The following NOS1AP variants were observed in gnomAD, a reference collection of about 807,000 sequenced individuals.
NOS1AP encodes nitric oxide synthase 1 adaptor protein, also known as carboxyl-terminal PDZ ligand of neuronal nitric oxide synthase protein.
In NOS1AP, 21 loss-of-function variants were observed where a neutral mutation model predicts 56.2. The observed-to-expected ratio is 0.37, with a 90% CI of 0.26 to 0.54. The LOEUF is 0.54. NOS1AP is among the 20% of genes least tolerant of loss of function. The probability of loss-of-function intolerance (pLI) is 0.84; values close to 1 mark genes in which losing one functional copy is unlikely to be tolerated. For missense variants in NOS1AP, 522 were observed against 657.8 expected (o/e 0.79, Z 2.26); for synonymous variants, 270 against 274.6 (o/e 0.98, Z 0.17).
intron 1 of NOS1AP, among the ~76,000 whole-genome samples, chr1:162,087,491 T>G (rs1245137163): frequency 6.6e-6 from 1 of 152,192 alleles, no homozygotes; most frequent in African/African-American, 2.4e-5. Flanking sequence ...CAGGACAAGC[T>G]GCAATGCCAA....
At chr1:162,285,374 C>T (rs147894195) in intron 2 of NOS1AP, among the ~76,000 whole-genome samples, 1 of 152,292 alleles carries the variant, frequency 6.6e-6, no homozygotes, top group African/African-American at 2.4e-5. Context: ...CAAAGTCAGC[C>T]GACTTGCAGA....
At chr1:162,099,701 A>C (rs952007233) in intron 1 of NOS1AP, among the ~76,000 whole-genome samples, 20 of 152,130 alleles carry the variant, frequency 1.3e-4, no homozygotes, top group African/African-American at 4.8e-4. Flanking sequence ...TTACATATCT[A>C]TACATGTGCC....
intron 1 of NOS1AP, among the ~76,000 whole-genome samples, chr1:162,129,824 G>A (rs934924236): frequency 5.3e-5 from 8 of 152,168 alleles, no homozygotes; most frequent in African/African-American, 1.9e-4. Context: ...TGTTTGCAGA[G>A]CTTATGACAC....
At chr1:162,085,558 C>T (rs930373994) in intron 1 of NOS1AP, among the ~76,000 whole-genome samples, 1 of 152,148 alleles carries the variant, frequency 6.6e-6, no homozygotes, top group Admixed American at 6.5e-5. Flanking sequence ...CTTTCCTCCC[C>T]TGGGTTTGTT....
chr1:162,190,601 C>G (rs1415255), intron 2 of NOS1AP, among the ~76,000 whole-genome samples: 33,428 of 151,964 alleles, frequency 0.22, 4,108 homozygotes, highest in East Asian at 0.38. Flanking sequence ...TTTATCATTT[C>G]CTTGTGTTGG....
chr1:162,253,633 T>A (rs983319625), intron 2 of NOS1AP, among the ~76,000 whole-genome samples: 1 of 152,228 alleles, frequency 6.6e-6, no homozygotes, highest in South Asian at 2.1e-4. Flanking sequence ...ATTTTCTAGC[T>A]ATAACAGTTT....
rs1654240546 is a variant in NOS1AP, at chr1:162,261,549, AT to A, written c.178-25794del. ...GAGAGAGAGAGAGAGAGAGAGAGCA[AT>A]GAAATGACTGGAACAGAGGAAAAGG... On this transcript the variant is annotated intron_variant, in intron 2 of 9. Coordinates refer to ENST00000361897, the MANE Select transcript of NOS1AP (RefSeq NM_014697.3). Among the ~76,000 whole-genome samples, 9 of 46,808 alleles carry A rather than the reference AT, an allele frequency of 1.9e-4. 2 individuals carry two copies. The highest frequency in any genetic ancestry group is 3.8e-4 in the East Asian group (1 of 2,606). The allele number at this position is 46,808 out of a possible 152,430, so 30.7% of individuals were successfully genotyped here.
rs1651529928 is a variant in NOS1AP, at chr1:162,188,921, G to A, written c.177+34445G>A. ...TCTCTAAAAATACAAAAATTAGCTG[G>A]GCACAGTGGCCTGTAGTCCCAGCTA... On this transcript the variant is annotated intron_variant, in intron 2 of 9. Transcript: ENST00000361897. This position sits in a 1 kb window ranked among gnomAD's most constrained non-coding sequence, Gnocchi z 4.0. 6.6e-6 allele frequency among the ~76,000 whole-genome samples: 1 copy of A among 152,048 alleles called. No homozygotes were observed. Among genetic ancestry groups the A allele is most frequent in the South Asian group, 2.1e-4 (1 of 4,816 alleles).
At chr1:162,102,646 T>G (rs1043242748) in intron 1 of NOS1AP, among the ~76,000 whole-genome samples, 41 of 152,236 alleles carry the variant, frequency 2.7e-4, no homozygotes, top group African/African-American at 9.9e-4. Context: ...ATTCAGTTTC[T>G]TCCTGGTTCA....
intron 1 of NOS1AP, among the ~76,000 whole-genome samples, chr1:162,091,091 G>A (rs1019713857): frequency 1.3e-5 from 2 of 152,060 alleles, no homozygotes; most frequent in Non-Finnish European, 2.9e-5. Flanking sequence ...AAAAAATGTG[G>A]TAGTTCTGTT....
chr1:162,237,767 C>A (rs528125265), intron 2 of NOS1AP, among the ~76,000 whole-genome samples: 1 of 152,154 alleles, frequency 6.6e-6, no homozygotes, highest in Non-Finnish European at 1.5e-5. Flanking sequence ...GCAGGCTTTG[C>A]GGGGACAGTG....
At chr1:162,104,407 G>A (rs572148065) in intron 1 of NOS1AP, among the ~76,000 whole-genome samples, 4 of 152,124 alleles carry the variant, frequency 2.6e-5, no homozygotes, top group Non-Finnish European at 4.4e-5. Context: ...TTCTCATGGA[G>A]TATCTTACTA....
At position 162,264,402 on chromosome 1, in the gene NOS1AP, C is replaced by CCTCCTCTCTT. The variant is rs576845993; in HGVS notation, c.178-22939_178-22938insCTCTCTTCTC. ...TGTTTCTCATCCCTCTTTGCCCTCTCCTCTTCTCTTCCCTTCTCTTCCCTT... is the reference window on the plus strand; with the variant it reads ...TGTTTCTCATCCCTCTTTGCCCTCTCCTCCTCTCTTCTCTTCTCTTCCCTTCTCTTCCCTT... On this transcript the variant is annotated intron_variant, in intron 2 of 9. Transcript: ENST00000361897. Among the ~76,000 whole-genome samples, 90 of 44,930 alleles carry CCTCCTCTCTT rather than the reference C, an allele frequency of 2.0e-3. 22 individuals are homozygous for CCTCCTCTCTT. The highest frequency in any genetic ancestry group is 5.5e-3 in the South Asian group (6 of 1,096). The allele number at this position is 44,930 out of a possible 152,430, so 29.5% of individuals were successfully genotyped here.
At chr1:162,231,515 C>A (rs1022601475) in intron 2 of NOS1AP, among the ~76,000 whole-genome samples, 3 of 151,968 alleles carry the variant, frequency 2.0e-5, no homozygotes, top group African/African-American at 7.3e-5. Context: ...TTTTTGTTGC[C>A]TTAATTTTAA....
intron 2 of NOS1AP, among the ~76,000 whole-genome samples, chr1:162,261,460 C>CA (rs1224658611): frequency 9.0e-5 from 1 of 11,146 alleles, no homozygotes; most frequent in Non-Finnish European, 1.7e-4. Flanking sequence ...AGAGAGGCAG[C>CA]GGGGAGTCAG....
At chr1:162,250,318 A>G (rs956616254) in intron 2 of NOS1AP, among the ~76,000 whole-genome samples, 3 of 152,200 alleles carry the variant, frequency 2.0e-5, no homozygotes, top group Non-Finnish European at 2.9e-5. Flanking sequence ...CTAGGAGGCT[A>G]AAAGTTTTGA....
At chr1:162,310,151 T>C (rs1655977843) in intron 4 of NOS1AP, among the ~76,000 whole-genome samples, 1 of 152,162 alleles carries the variant, frequency 6.6e-6, no homozygotes, top group East Asian at 1.9e-4. Flanking sequence ...CCGGAATGCA[T>C]TCCCTTTTCT....
intron 1 of NOS1AP, among the ~76,000 whole-genome samples, chr1:162,108,071 C>G (rs1164921419): frequency 1.3e-5 from 2 of 152,136 alleles, no homozygotes; most frequent in Non-Finnish European, 2.9e-5. Context: ...CAGAGAAGGG[C>G]CAGAAACTAT....
chr1:162,077,337 A>C (rs1394053618), intron 1 of NOS1AP, among the ~76,000 whole-genome samples: 2 of 152,170 alleles, frequency 1.3e-5, no homozygotes, highest in East Asian at 3.9e-4. Context: ...ATTCCCTAGG[A>C]AGCAGACTCA....
Sources: allele counts gnomAD v4.1 joint callset (sites outside exome capture counted in the v4.1 genomes callset), GRCh38; gene constraint gnomAD v4.1.1; non-coding constraint Gnocchi (gnomAD v3.1); transcripts MANE v1.5; gene names NCBI Gene and HGNC (gene_info 2026-07-23, HGNC 2026-07-21).